Variants in SIRT1 observed in about 807,000 individuals in gnomAD.
SIRT1 encodes NAD-dependent protein deacetylase sirtuin-1.
A neutral mutation model predicts 67.9 loss-of-function variants in SIRT1; 24 were observed. That is an observed-to-expected ratio of 0.35 (90% CI 0.26 to 0.50). The LOEUF is 0.50. Among genes scored for constraint, SIRT1 ranks in the 20% least tolerant of loss-of-function variants. The pLI is 0.98. For synonymous variants in SIRT1, 378 were observed against 350.7 expected (o/e 1.08, Z -0.87); for missense variants, 873 against 937.2 (o/e 0.93, Z 0.89).
At position 67,886,403 on chromosome 10, in the gene SIRT1, G is replaced by A. The variant is rs553242470; in HGVS notation, c.431-1014G>A. Among the ~76,000 whole-genome samples, 6 of 151,910 alleles carry A rather than the reference G, an allele frequency of 3.9e-5. No homozygotes were observed. The South Asian group carries it at 1.2e-3, about 32-fold the overall frequency. On this transcript the variant is annotated intron_variant, in intron 1 of 8. Transcript: ENST00000212015. The stretch of plus-strand genomic sequence containing the variant: ...AGCCTAGGAGTTTCAGGCCAGCCTG[G>A]GCAACATAGCGAGACCTCCTCTCTA...
intron 2 of SIRT1, among the ~76,000 whole-genome samples, chr10:67,888,159 A>G (rs1052976407): frequency 6.6e-6 from 1 of 152,226 alleles, no homozygotes; most frequent in Non-Finnish European, 1.5e-5. Flanking sequence ...GAAATGGGAA[A>G]GTATTTCGAT....
rs201339161 is a variant in SIRT1, at chr10:67,891,497, G to A, written c.885G>A (p.Ala295=). The change falls in exon 4 of 9, where the codon GCG becomes GCA. Residue 295 remains alanine (A), a synonymous_variant. Transcript: ENST00000212015. ...VDFPDLPDPQ[A]MFDIEYFRKD... is the part of the protein sequence containing the mutation. The stretch of plus-strand genomic sequence containing the variant: ...TCCCAGATCTTCCAGATCCTCAAGC[G>A]ATGTTTGATATTGAATATTTCAGAA... The A allele has an allele frequency of 1.3e-5, 21 of 1,613,972 alleles. No individual in the cohort carries two copies. The highest frequency in any genetic ancestry group is 1.3e-5 in the African/African-American group (1 of 74,910).
intron 1 of SIRT1, 144 bp from the exon 2 acceptor site, chr10:67,887,273 G>T: frequency 1.7e-6 from 1 of 602,016 alleles, no homozygotes. Context: ...AATGAACAGT[G>T]CAAGCTGACC....
intron 7 of SIRT1, among the ~76,000 whole-genome samples, chr10:67,911,687 C>T (rs1034497343): frequency 1.7e-5 from 2 of 120,478 alleles, no homozygotes; most frequent in African/African-American, 6.3e-5. Context: ...TTCCTTCTGT[C>T]CATCCTTCCC....
chr10:67,896,335 A>G (rs1463204869), intron 4 of SIRT1, among the ~76,000 whole-genome samples: 3 of 152,122 alleles, frequency 2.0e-5, no homozygotes, highest in East Asian at 1.9e-4. Context: ...TGTAGAGTCA[A>G]GTTCTCACTA....
intron 5 of SIRT1, among the ~76,000 whole-genome samples, chr10:67,907,490 C>CAAAAAAAA (rs373037115): frequency 9.2e-6 from 1 of 108,998 alleles, no homozygotes; most frequent in Non-Finnish European, 1.7e-5. Flanking sequence ...GAGACTCTGT[C>CAAAAAAAA]AAAAAAAAAA....
chr10:67,915,593 A>G (rs912480978), intron 8 of SIRT1, among the ~76,000 whole-genome samples: 3 of 152,198 alleles, frequency 2.0e-5, no homozygotes, highest in African/African-American at 7.2e-5. Context: ...CACAGGTGAT[A>G]CTGTAGATTC....
Position 67,887,482 on chromosome 10 carries a change from G to A in SIRT1, c.496G>A (p.Asp166Asn), listed in dbSNP as rs1305391134. Reference sequence around the variant, plus strand: ...TCATTCCTGTGAAAGTGATGAGGAGGATAGAGCCTCACATGCAAGCTCTAG... The same window carrying A: ...TCATTCCTGTGAAAGTGATGAGGAGAATAGAGCCTCACATGCAAGCTCTAG... ...GFHSCESDEEDRASHASSSDW... is the reference protein window; with the variant it reads ...GFHSCESDEENRASHASSSDW... Residue 166 changes from aspartate (D) to asparagine (N), a missense_variant, in exon 2 of 9, where the codon GAT becomes AAT. Asp to Asn is a conservative substitution (Grantham distance 23, BLOSUM62 1). This residue lies in a region of SIRT1 where 327 missense variants were observed against 283.9 expected (regional missense o/e 1.15). Transcript: ENST00000212015. 1 of 1,613,852 alleles carries A rather than the reference G, an allele frequency of 6.2e-7. No homozygotes were observed. Among genetic ancestry groups the A allele is most frequent in the East Asian group, 2.2e-5 (1 of 44,860 alleles).
At chr10:67,903,734 C>G (rs773183170) in intron 4 of SIRT1, among the ~76,000 whole-genome samples, 21 of 152,130 alleles carry the variant, frequency 1.4e-4, no homozygotes, top group Non-Finnish European at 1.9e-4. Context: ...CGTTGGTTGC[C>G]TATGGCCAAT....
chr10:67,902,470 C>T (rs1842759002), intron 4 of SIRT1, among the ~76,000 whole-genome samples: 1 of 152,132 alleles, frequency 6.6e-6, no homozygotes, highest in Non-Finnish European at 1.5e-5. Context: ...TTCATAAATA[C>T]AAACTTTTAT....
chr10:67,893,186 T>C (rs1345668905), intron 4 of SIRT1, among the ~76,000 whole-genome samples: 1 of 152,226 alleles, frequency 6.6e-6, no homozygotes, highest in Non-Finnish European at 1.5e-5. Context: ...TGCGCAGATT[T>C]GTTAACATAG....
chr10:67,906,414 A>G lies in SIRT1; in HGVS notation c.943-376A>G, dbSNP rs1482769335. On this transcript the variant is annotated intron_variant, in intron 4 of 8. Transcript: ENST00000212015. ...TTTTTTTAAATCACCCTACCTTGAT[A>G]TCTGTAATTTTAGTTTAAACTTTCC... The G allele has an allele frequency of 1.8e-5, 17 of 947,118 alleles. 1 individual carries two copies. The highest frequency in any genetic ancestry group is 2.4e-5 in the Non-Finnish European group (16 of 678,850). The allele number at this position is 947,118 out of a possible 1,614,324, so 58.7% of individuals were successfully genotyped here.
rs192395383 is a variant in SIRT1, at chr10:67,913,146, T to C, written c.1915+115T>C. ...GTAGCTTTATGTAGTTGATTCTGTT[T>C]AGAGAAACTGTACAGTTCGTAATCA... On this transcript the variant is annotated intron_variant, in intron 8 of 8. Transcript: ENST00000212015. 8.8e-4 allele frequency: 907 copies of C among 1,029,986 alleles called. 8 individuals are homozygous for C. In the African/African-American group the frequency reaches 0.013, roughly 14 times the overall value. The allele number at this position is 1,029,986 out of a possible 1,614,324, so 63.8% of individuals were successfully genotyped here.
chr10:67,903,347 A>C (rs914945860), intron 4 of SIRT1, among the ~76,000 whole-genome samples: 1 of 152,032 alleles, frequency 6.6e-6, no homozygotes, highest in African/African-American at 2.4e-5. Flanking sequence ...AGAAGAAAGA[A>C]AGGCATAATC....
intron 7 of SIRT1, 45 bp from the exon 8 acceptor site, chr10:67,912,429 C>G: frequency 6.0e-6 from 9 of 1,494,862 alleles, no homozygotes; most frequent in Non-Finnish European, 7.2e-6. Context: ...TATTAGCTTA[C>G]TTCCTCCTCC....
At position 67,888,923 on chromosome 10, in the gene SIRT1, G is replaced by T; in HGVS notation, c.589G>T (p.Asp197Tyr). Residue 197 changes from aspartate (D) to tyrosine (Y), a missense_variant, in exon 3 of 9, where the codon GAT becomes TAT. Asp to Tyr is a radical substitution (Grantham distance 160, BLOSUM62 -3). Around this residue, in one of 3 missense-constraint regions of SIRT1, gnomAD observed 327 missense variants for 283.9 expected, o/e 1.15. Transcript: ENST00000212015. ...FVQQHLMIGT[D>Y]PRTILKDLLP... The stretch of plus-strand genomic sequence containing the variant: ...TCAGCAACATCTTATGATTGGCACA[G>T]ATCCTCGAACAATTCTTAAAGATTT... The T allele has an allele frequency of 6.2e-7, 1 of 1,613,790 alleles. No individual in the cohort carries two copies. Among genetic ancestry groups the T allele is most frequent in the Non-Finnish European group, 8.5e-7 (1 of 1,179,860 alleles).
Position 67,916,567 on chromosome 10 carries a change from A to AT in SIRT1, c.2219dup (p.Met740IlefsTer11). 6.2e-7 allele frequency: 1 copy of AT among 1,612,542 alleles called. No individual in the cohort carries two copies. The highest frequency in any genetic ancestry group is 8.5e-7 in the Non-Finnish European group (1 of 1,178,770). On this transcript the variant is annotated frameshift_variant, in exon 9 of 9. Coordinates refer to ENST00000212015, the MANE Select transcript of SIRT1 (RefSeq NM_012238.5). LOFTEE classifies it high-confidence loss of function. Reference sequence around the variant, plus strand: ...ATCTGTGAAACAGGAAGTAACAGACATGAACTATCCATCAAACAAATCATA... The same window carrying AT: ...ATCTGTGAAACAGGAAGTAACAGACATTGAACTATCCATCAAACAAATCATA...
rs199716245 is a variant in SIRT1 at position 67,888,990 on chromosome 10, C to G, written c.656C>G (p.Thr219Arg). The G allele has an allele frequency of 1.2e-5, 19 of 1,613,770 alleles. No individual in the cohort carries two copies. The highest frequency in any genetic ancestry group is 4.0e-5 in the African/African-American group (3 of 74,892). ...TIPPPELDDM[T>R]LWQIVINILS... ...CCTCCACCTGAGTTGGATGATATGA[C>G]ACTGTGGCAGATTGTTATTAATATC... The change falls in exon 3 of 9, where the codon ACA becomes AGA. Residue 219 changes from threonine to arginine, a missense_variant. By Grantham distance (71) the Thr-to-Arg change is moderately conservative (BLOSUM62 -1). This residue lies in a region of SIRT1 where 251 missense variants were observed against 358.8 expected (regional missense o/e 0.70). Transcript: ENST00000212015.
At chr10:67,906,090 T>G in intron 4 of SIRT1, 1 of 1,232,422 alleles carries the variant, frequency 8.1e-7, no homozygotes, top group South Asian at 3.2e-5. Flanking sequence ...TGTCAAAAGT[T>G]GGGAGGACCA....
Sources: allele counts gnomAD v4.1 joint callset (sites outside exome capture counted in the v4.1 genomes callset), GRCh38; gene constraint gnomAD v4.1.1; regional missense constraint gnomAD v4.1.1; transcripts MANE v1.5; gene names NCBI Gene and HGNC (gene_info 2026-07-23, HGNC 2026-07-21).